STS: variants seen among roughly 807,000 people sequenced by gnomAD.
The protein encoded by STS is steroid sulfatase.
Under a neutral mutation model 26.8 loss-of-function variants are expected in STS, and 7 were observed. The observed-to-expected ratio is 0.26, with a 90% CI of 0.15 to 0.49. The LOEUF (loss-of-function observed/expected upper bound fraction) is 0.49, where lower values mean the gene tolerates loss of function less well. Among genes scored for constraint, STS ranks in the 20% least tolerant of loss-of-function variants. The pLI is 0.98. For synonymous variants in STS, 199 were observed against 189.4 expected, an observed-to-expected ratio of 1.05 and a Z score of -0.42; for missense variants, 434 against 465.6, an observed-to-expected ratio of 0.93 and a Z score of 0.63.
chrX:7,284,679 G>A (rs1243094504), intron 7 of STS, among the ~76,000 whole-genome samples: 2 of 112,206 alleles, frequency 1.8e-5, no homozygotes, highest in Non-Finnish European at 3.8e-5. Context: ...AGAGCATAGA[G>A]CCATGTGACA....
At chrX:7,207,910 C>T (rs1920961779) in intron 2 of STS, among the ~76,000 whole-genome samples, 1 of 111,615 alleles carries the variant, frequency 9.0e-6, no homozygotes, top group Non-Finnish European at 1.9e-5. Context: ...ACAATTTTCC[C>T]TGTTGTACTC....
chrX:7,352,106 T>C lies in STS; in HGVS notation c.*1845T>C, dbSNP rs1032913638. 1.8e-5 allele frequency: 2 copies of C among 111,426 alleles called. No homozygotes were observed. The highest frequency in any genetic ancestry group is 3.3e-5 in the African/African-American group (1 of 30,646). The allele number at this position is 111,426 out of a possible 1,213,427, so 9.2% of individuals were successfully genotyped here. On this transcript the variant is annotated 3_prime_UTR_variant, in exon 11 of 11. Coordinates refer to ENST00000674429, the MANE Select transcript of STS (RefSeq NM_001320752.2). ...CTTTAGAAAACATTCTTAGAGAGGG[T>C]ACTAGCTTACTGATGATGTGTTAGG...
intron 1 of STS, among the ~76,000 whole-genome samples, chrX:7,179,737 G>A (rs1248340014): frequency 8.9e-6 from 1 of 112,178 alleles, no homozygotes; most frequent in Non-Finnish European, 1.9e-5. Flanking sequence ...AGAAACAACA[G>A]TACAATGGCA....
chrX:7,332,745 G>A (rs770580809), intron 9 of STS, among the ~76,000 whole-genome samples: 5 of 111,441 alleles, frequency 4.5e-5, no homozygotes, highest in African/African-American at 9.8e-5. Context: ...CTGCCATTTC[G>A]GGATGGAAAC....
intron 10 of STS, among the ~76,000 whole-genome samples, chrX:7,338,263 G>A (rs1411818507): frequency 8.9e-6 from 1 of 111,788 alleles, no homozygotes; most frequent in Non-Finnish European, 1.9e-5. Flanking sequence ...TGATCTTAGA[G>A]GGTAGGTGGA....
At chrX:7,172,813 G>C (rs1447653615) in intron 1 of STS, among the ~76,000 whole-genome samples, 2 of 111,993 alleles carry the variant, frequency 1.8e-5, no homozygotes, top group Admixed American at 9.5e-5. Context: ...AACAAAATTG[G>C]TAAGAGGCTT....
intron 6 of STS, among the ~76,000 whole-genome samples, chrX:7,271,235 T>G (rs1351569505): frequency 1.8e-5 from 2 of 111,347 alleles, no homozygotes; most frequent in Admixed American, 9.7e-5. Flanking sequence ...GGAGAACAGA[T>G]GAGAGTGAAA....
intron 1 of STS, 86 bp downstream of exon 1, chrX:7,148,169 C>T: frequency 1.1e-6 from 1 of 889,320 alleles, no homozygotes; most frequent in Non-Finnish European, 1.5e-6. Context: ...CGCACCCGCC[C>T]GCCCCGCGCA....
chrX:7,351,698 A>G lies in STS; in HGVS notation c.*1437A>G, dbSNP rs1928803342. ...CTTCTATTTGCCCAGAGTTTGCTCA[A>G]TTCCAAGACAGTGCCCATGAATGGG... On this transcript the variant is annotated 3_prime_UTR_variant, in exon 11 of 11. Coordinates refer to ENST00000674429, the MANE Select transcript of STS (RefSeq NM_001320752.2). 1 of 111,332 alleles carries G rather than the reference A, an allele frequency of 9.0e-6. No individual in the cohort carries two copies. The highest frequency in any genetic ancestry group is 1.9e-5 in the Non-Finnish European group (1 of 53,116). The allele number at this position is 111,332 out of a possible 1,213,427, so 9.2% of individuals were successfully genotyped here. A position where few individuals can be genotyped will look rare whatever the true frequency, so the allele number is the denominator to read the frequency against.
chrX:7,339,682 T>TAG (rs1348244120), intron 10 of STS, among the ~76,000 whole-genome samples: 1 of 111,956 alleles, frequency 8.9e-6, no homozygotes, highest in Non-Finnish European at 1.9e-5. Flanking sequence ...AAAGATTTCA[T>TAG]AGAACTTTTA....
intron 1 of STS, among the ~76,000 whole-genome samples, chrX:7,158,895 A>G (rs1292366595): frequency 8.9e-6 from 1 of 111,806 alleles, no homozygotes; most frequent in Non-Finnish European, 1.9e-5. Context: ...ACCCTGGGAG[A>G]CAAAACATGG....
At chrX:7,169,793 G>T (rs1347370540) in intron 1 of STS, among the ~76,000 whole-genome samples, 1 of 107,129 alleles carries the variant, frequency 9.3e-6, no homozygotes, top group East Asian at 3.0e-4. Context: ...TCTGAGACTC[G>T]TTTGTTTGCC....
At chrX:7,254,252 C>G (rs959214132) in intron 3 of STS, among the ~76,000 whole-genome samples, 2 of 112,249 alleles carry the variant, frequency 1.8e-5, no homozygotes, top group Admixed American at 1.9e-4. Flanking sequence ...GGCAATCAAA[C>G]GAGACTCGAG....
intron 6 of STS, among the ~76,000 whole-genome samples, chrX:7,260,793 A>G (rs1923705283): frequency 8.9e-6 from 1 of 111,983 alleles, no homozygotes; most frequent in African/African-American, 3.2e-5. Context: ...TCCTTGTGAT[A>G]TAAACAATGT....
intron 6 of STS, among the ~76,000 whole-genome samples, chrX:7,271,753 T>C (rs1220267894): frequency 1.9e-5 from 2 of 105,473 alleles, no homozygotes; most frequent in Non-Finnish European, 3.9e-5. Flanking sequence ...GGCTGTGAGA[T>C]ATTAACAACA....
intron 1 of STS, among the ~76,000 whole-genome samples, chrX:7,149,583 A>G (rs767372938): frequency 8.9e-6 from 1 of 112,211 alleles, no homozygotes; most frequent in African/African-American, 3.2e-5. Flanking sequence ...TTGCGCCTCA[A>G]ATACAGTCGT....
At position 7,349,315 on chromosome X, in the gene STS, CCTTTTTTTTTTTTTTTTTT is replaced by C. The variant is rs1316650704; in HGVS notation, c.1364-572_1364-554del. ...CGCTGCACTCGGCCCTCATTTAATT[CCTTTTTTTTTTTTTTTTTT>C]TTTTTTTTTTTTTTTTTTTGAGACA... On this transcript the variant is annotated intron_variant, in intron 10 of 10. Transcript: ENST00000674429. 3.0e-4 allele frequency among the ~76,000 whole-genome samples: 6 copies of C among 20,287 alleles called. 1 individual carries two copies. Among genetic ancestry groups the C allele is most frequent in the East Asian group, 3.6e-3 (2 of 561 alleles). 17.6% of individuals were successfully genotyped at this position (20,287 alleles called of 115,157 possible). A position where few individuals can be genotyped will look rare whatever the true frequency, so the allele number is the denominator to read the frequency against.
At chrX:7,328,712 A>C (rs1244478092) in intron 9 of STS, among the ~76,000 whole-genome samples, 3 of 110,287 alleles carry the variant, frequency 2.7e-5, no homozygotes, top group Non-Finnish European at 5.7e-5. Flanking sequence ...GGCGTGCACC[A>C]CCATGCTTGG....
chrX:7,284,077 C>A (rs765290779), intron 7 of STS, among the ~76,000 whole-genome samples: 1 of 111,257 alleles, frequency 9.0e-6, no homozygotes, highest in South Asian at 3.8e-4. Flanking sequence ...TCTTTATTCA[C>A]TTTCATGGTG....
Sources: gnomAD v4.1 joint callset for allele counts (sites outside exome capture counted in the v4.1 genomes callset) on GRCh38, gnomAD v4.1.1 for gene constraint, MANE v1.5 for transcripts, NCBI Gene and HGNC (gene_info 2026-07-23, HGNC 2026-07-21) for gene names.